Variants in CDKL3 observed in about 807,000 individuals in gnomAD.
CDKL3 encodes cyclin dependent kinase like 3.
Under a neutral mutation model 69.3 loss-of-function variants are expected in CDKL3, and 65 were observed. The observed-to-expected ratio is 0.94, with a 90% confidence interval of 0.77 to 1.15. The LOEUF (loss-of-function observed/expected upper bound fraction) is 1.15. CDKL3 is among the 50% of genes most tolerant of loss of function. The pLI is 0.00. For missense variants in CDKL3, 652 were observed against 689.2 expected, an observed-to-expected ratio of 0.95 and a Z score of 0.61; for synonymous variants, 202 against 221.6, an observed-to-expected ratio of 0.91 and a Z score of 0.79.
chr5:134,358,214 C>T (rs905244570), intron 3 of CDKL3, among the ~76,000 whole-genome samples: 2 of 152,190 alleles, frequency 1.3e-5, no homozygotes, highest in African/African-American at 4.8e-5. Flanking sequence ...ATCTTATCTT[C>T]CTCTATCTGT....
chr5:134,347,527 A>G (rs532537008), intron 4 of CDKL3, among the ~76,000 whole-genome samples: 1 of 152,212 alleles, frequency 6.6e-6, no homozygotes, highest in East Asian at 1.9e-4. Context: ...GAATGGGTAA[A>G]TAAAAAGAGC....
downstream of CDKL3, among the ~76,000 whole-genome samples, chr5:134,295,075 T>A (rs1282623847): frequency 6.9e-6 from 1 of 144,220 alleles, no homozygotes; most frequent in Non-Finnish European, 1.5e-5. Flanking sequence ...AGTGAAGTGG[T>A]GCAATCTCGG....
At chr5:134,350,849 A>G (rs1323915567) in intron 3 of CDKL3, among the ~76,000 whole-genome samples, 1 of 151,534 alleles carries the variant, frequency 6.6e-6, no homozygotes, top group East Asian at 1.9e-4. Context: ...AAAAAAGAAA[A>G]AAAGAAAGAA....
intron 12 of CDKL3, among the ~76,000 whole-genome samples, chr5:134,301,924 C>G (rs968554076): frequency 6.6e-6 from 1 of 151,882 alleles, no homozygotes; most frequent in African/African-American, 2.4e-5. Flanking sequence ...AACACAAAAA[C>G]AGAAGTTGAT....
intron 2 of CDKL3, among the ~76,000 whole-genome samples, chr5:134,363,513 T>C (rs1756575495): frequency 7.0e-6 from 1 of 141,974 alleles, no homozygotes; most frequent in Admixed American, 7.7e-5. Context: ...CAGACTGGAG[T>C]GCAGTGGCGC....
In CDKL3 at chr5:134,304,569, TAAAC is replaced by T. The variant is rs749720821; in HGVS notation, c.1459-6_1459-3del. On this transcript the variant is annotated splice_region_variant and splice_polypyrimidine_tract_variant and intron_variant, in intron 10 of 12. Transcript: ENST00000265334. Reference sequence around the variant, plus strand: ...AAATATACCCTTCTCCATTTGGCTCTAAACAAACAAACAAGAGTTAGTTGAAGAA... The same window carrying T: ...AAATATACCCTTCTCCATTTGGCTCTAAACAAACAAGAGTTAGTTGAAGAA... The T allele has an allele frequency of 6.9e-6, 11 of 1,592,472 alleles. No individual in the cohort carries two copies. Among genetic ancestry groups the T allele is most frequent in the East Asian group, 6.7e-5 (3 of 44,566 alleles).
chr5:134,339,319 C>T (rs924360565), intron 4 of CDKL3, among the ~76,000 whole-genome samples: 8 of 151,970 alleles, frequency 5.3e-5, no homozygotes, highest in Non-Finnish European at 8.8e-5. Flanking sequence ...ATTCGATATA[C>T]AAACATTATA....
intron 3 of CDKL3, among the ~76,000 whole-genome samples, chr5:134,357,801 C>T (rs1581221081): frequency 1.3e-5 from 2 of 152,216 alleles, no homozygotes; most frequent in East Asian, 3.8e-4. Context: ...ACCACCCACA[C>T]ATCTAGATTG....
At chr5:134,357,099 G>A (rs569738495) in intron 3 of CDKL3, among the ~76,000 whole-genome samples, 14 of 152,176 alleles carry the variant, frequency 9.2e-5, no homozygotes, top group African/African-American at 3.1e-4. Context: ...TACTTATTTT[G>A]TATCCCCAAT....
intron 2 of CDKL3, among the ~76,000 whole-genome samples, chr5:134,365,248 G>A (rs1173704551): frequency 7.9e-5 from 12 of 151,962 alleles, no homozygotes; most frequent in African/African-American, 7.2e-5. Flanking sequence ...CTCCCAAAGC[G>A]CTGGGAGCGT....
intron 2 of CDKL3, among the ~76,000 whole-genome samples, chr5:134,361,287 A>G (rs1256611745): frequency 6.6e-6 from 1 of 151,410 alleles, no homozygotes; most frequent in Non-Finnish European, 1.5e-5. Flanking sequence ...AAGTCTTGCT[A>G]TATTGCCAGG....
chr5:134,292,998 A>ATTTTT (rs1765185048), intron 8 of CDKL3, among the ~76,000 whole-genome samples: 1 of 101,124 alleles, frequency 9.9e-6, no homozygotes, highest in Non-Finnish European at 2.1e-5. Flanking sequence ...CTCACTGCCA[A>ATTTTT]TTTCTTTTTT....
chr5:134,351,049 C>G (rs966377373), intron 3 of CDKL3, among the ~76,000 whole-genome samples: 1 of 152,090 alleles, frequency 6.6e-6, no homozygotes, highest in Non-Finnish European at 1.5e-5. Flanking sequence ...TTGCATTAAA[C>G]TTCTCTAGCC....
At chr5:134,302,160 A>G (rs1463224902) in intron 12 of CDKL3, 5 of 456,410 alleles carry the variant, frequency 1.1e-5, no homozygotes, top group Admixed American at 9.4e-5. Flanking sequence ...GCTGAGAGCA[A>G]ATATTTGTGA....
intron 4 of CDKL3, among the ~76,000 whole-genome samples, chr5:134,332,983 G>A (rs1217944407): frequency 6.6e-6 from 1 of 152,150 alleles, no homozygotes; most frequent in African/African-American, 2.4e-5. Context: ...GCAGTGGTTT[G>A]TAGTTCTCCT....
At chr5:134,341,423 A>G (rs896355319) in intron 4 of CDKL3, among the ~76,000 whole-genome samples, 8 of 152,246 alleles carry the variant, frequency 5.3e-5, no homozygotes, top group Admixed American at 2.0e-4. Context: ...TCTTCTATGT[A>G]GAAAATCCTA....
chr5:134,311,008 C>T (rs892696310), intron 7 of CDKL3, among the ~76,000 whole-genome samples: 2 of 152,162 alleles, frequency 1.3e-5, no homozygotes, highest in Admixed American at 1.3e-4. Flanking sequence ...AATGGTTTTA[C>T]AGTTAATGAG....
At chr5:134,297,172 G>A (rs907544820), downstream of CDKL3, among the ~76,000 whole-genome samples, 7 of 151,928 alleles carry the variant, frequency 4.6e-5, no homozygotes, top group Admixed American at 6.6e-5. Flanking sequence ...GGCTGGTTTC[G>A]AAGTCCTGAC....
At chr5:134,293,156 G>A (rs179103) in intron 8 of CDKL3, among the ~76,000 whole-genome samples, 9 of 151,782 alleles carry the variant, frequency 5.9e-5, no homozygotes, top group Non-Finnish European at 1.3e-4. Context: ...AGGTAGCTGA[G>A]ATTACAGGCA....
Sources: allele counts gnomAD v4.1 joint callset (sites outside exome capture counted in the v4.1 genomes callset), GRCh38; gene constraint gnomAD v4.1.1; transcripts MANE v1.5; gene names NCBI Gene and HGNC (gene_info 2026-07-23, HGNC 2026-07-21).